The following PDS5B variants were observed in gnomAD, a reference collection of about 807,000 sequenced individuals.
PDS5B encodes sister chromatid cohesion protein PDS5 homolog B.
In PDS5B, 51 loss-of-function variants were observed where a neutral mutation model predicts 184.1. That is an observed-to-expected ratio of 0.28 (90% CI 0.22 to 0.35). PDS5B has a LOEUF of 0.35. Among genes scored for constraint, PDS5B ranks in the 10% least tolerant of loss-of-function variants. The pLI, the probability that PDS5B is intolerant of heterozygous loss-of-function variation, is 1.00. For missense variants in PDS5B, 1,180 were observed against 1,723.3 expected (o/e 0.68, Z 5.58); for synonymous variants, 566 against 569.2 (o/e 0.99, Z 0.08).
intron 1 of PDS5B, among the ~76,000 whole-genome samples, chr13:32,638,010 G>A (rs2058591160): frequency 6.6e-6 from 1 of 152,166 alleles, no homozygotes; most frequent in Non-Finnish European, 1.5e-5. Context: ...ATTTTAGCTG[G>A]GGTTGCTTAT....
intron 19 of PDS5B, among the ~76,000 whole-genome samples, chr13:32,730,879 G>A (rs1345749530): frequency 2.6e-5 from 4 of 152,064 alleles, no homozygotes; most frequent in Admixed American, 1.3e-4. Flanking sequence ...ATATACAATC[G>A]TGTTATCTGC....
chr13:32,740,741 T>G (rs1953512153), intron 21 of PDS5B, among the ~76,000 whole-genome samples: 1 of 152,168 alleles, frequency 6.6e-6, no homozygotes, highest in Non-Finnish European at 1.5e-5. Flanking sequence ...TGGCTCCATG[T>G]TTTTTTAAAA....
chr13:32,738,964 G>A (rs1032638763), intron 21 of PDS5B, among the ~76,000 whole-genome samples: 4 of 152,050 alleles, frequency 2.6e-5, no homozygotes, highest in Admixed American at 1.3e-4. Flanking sequence ...GAGCCACCAC[G>A]CGCCTGGCCT....
chr13:32,775,423 A>C lies in PDS5B; in HGVS notation c.*371A>C. The C allele has an allele frequency of 3.2e-6, 1 of 309,894 alleles. No homozygotes were observed. The highest frequency in any genetic ancestry group is 6.2e-6 in the Non-Finnish European group (1 of 160,168). 19.2% of individuals were successfully genotyped at this position (309,894 alleles called of 1,614,324 possible). On this transcript the variant is annotated 3_prime_UTR_variant, in exon 35 of 35. Transcript: ENST00000315596. ...TATTGGATCTATTGATTTGAAAAGA[A>C]TTTGTTAGGATAGATCTTAAGCAGT...
At chr13:32,598,770 C>CTTTTTT (rs756301581) in intron 1 of PDS5B, among the ~76,000 whole-genome samples, 28 of 126,358 alleles carry the variant, frequency 2.2e-4, no homozygotes, top group African/African-American at 5.9e-4. Context: ...TTTTTTCTCT[C>CTTTTTT]TTTTTTTTTT....
intron 23 of PDS5B, among the ~76,000 whole-genome samples, chr13:32,744,710 T>C (rs1953683845): frequency 6.6e-6 from 1 of 152,160 alleles, no homozygotes; most frequent in African/African-American, 2.4e-5. Context: ...TACTGATTAA[T>C]AGCTACTTGG....
At position 32,618,695 on chromosome 13, in the gene PDS5B, A is replaced by G. The variant is rs934639323; in HGVS notation, c.-19-30059A>G. On this transcript the variant is annotated intron_variant, in intron 1 of 34. Transcript: ENST00000315596. ...AATGTAGTAAGATCTTTTATGGTTTATATGGGCATTCATGTATTTATTTAT... is the reference window on the plus strand; with the variant it reads ...AATGTAGTAAGATCTTTTATGGTTTGTATGGGCATTCATGTATTTATTTAT... Among the ~76,000 whole-genome samples, 10 of 152,308 alleles carry G rather than the reference A, an allele frequency of 6.6e-5. No individual in the cohort carries two copies. In the East Asian group the frequency reaches 1.9e-3, roughly 29 times the overall value.
chr13:32,618,396 C>T (rs2058248751), intron 1 of PDS5B, among the ~76,000 whole-genome samples: 1 of 152,094 alleles, frequency 6.6e-6, no homozygotes, highest in Admixed American at 6.6e-5. Context: ...TTTTAAGGTG[C>T]CCACTGTTCT....
chr13:32,728,752 TC>T (rs936937386), intron 19 of PDS5B, among the ~76,000 whole-genome samples: 1 of 152,174 alleles, frequency 6.6e-6, no homozygotes, highest in Non-Finnish European at 1.5e-5. Context: ...TGCTACCTGT[TC>T]CCTAGTGTCT....
intron 31 of PDS5B, among the ~76,000 whole-genome samples, chr13:32,769,894 T>A (rs1195388507): frequency 6.6e-6 from 1 of 152,190 alleles, no homozygotes; most frequent in African/African-American, 2.4e-5. Flanking sequence ...TTTAAGACAC[T>A]CTAGCTGAAA....
chr13:32,626,076 G>A (rs1481971783), intron 1 of PDS5B, among the ~76,000 whole-genome samples: 1 of 152,146 alleles, frequency 6.6e-6, no homozygotes, highest in Non-Finnish European at 1.5e-5. Context: ...CTGACCCCGA[G>A]TGATCTATCT....
At chr13:32,703,274 A>C (rs1291306689) in intron 17 of PDS5B, among the ~76,000 whole-genome samples, 1 of 152,192 alleles carries the variant, frequency 6.6e-6, no homozygotes, top group Non-Finnish European at 1.5e-5. Flanking sequence ...ACAGTAGAGA[A>C]ATTGTAGAAA....
In PDS5B at chr13:32,776,402, T is replaced by C. The variant is rs1256382817; in HGVS notation, c.*1350T>C. On this transcript the variant is annotated 3_prime_UTR_variant, in exon 35 of 35. Coordinates refer to ENST00000315596, the MANE Select transcript of PDS5B (RefSeq NM_015032.4). The stretch of plus-strand genomic sequence containing the variant: ...CCAGATTGGGAGAAGTGGAAATTTA[T>C]TTGGATTTAGAGCAGGTCTTTTTTT... 3 of 152,424 alleles carry C rather than the reference T, an allele frequency of 2.0e-5. No homozygotes were observed. The highest frequency in any genetic ancestry group is 1.5e-5 in the Non-Finnish European group (1 of 67,954). The allele number at this position is 152,424 out of a possible 1,614,324, so 9.4% of individuals were successfully genotyped here.
chr13:32,619,964 A>G (rs932219495), intron 1 of PDS5B, among the ~76,000 whole-genome samples: 1 of 151,928 alleles, frequency 6.6e-6, no homozygotes, highest in African/African-American at 2.4e-5. Context: ...ACGCCCAGCT[A>G]ATTTTTATAT....
chr13:32,605,447 T>C (rs1051061386), intron 1 of PDS5B, among the ~76,000 whole-genome samples: 2 of 152,246 alleles, frequency 1.3e-5, no homozygotes, highest in African/African-American at 4.8e-5. Flanking sequence ...CAGTTTGTTA[T>C]AATTTCTATT....
chr13:32,741,127 A>T lies in PDS5B; in HGVS notation c.2454A>T (p.Val818=). ...TTKLWVPDEE[V]SPETMVKIQA... is the part of the protein sequence containing the mutation. ...AACTTTGGGTTCCAGATGAAGAAGTATCTCCTGAGACAATGGTCAAAGTGA... is the reference window on the plus strand; with the variant it reads ...AACTTTGGGTTCCAGATGAAGAAGTTTCTCCTGAGACAATGGTCAAAGTGA... Residue 818 remains valine (V), a synonymous_variant, in exon 22 of 35, where the codon GTA becomes GTT. Coordinates refer to ENST00000315596, the MANE Select transcript of PDS5B (RefSeq NM_015032.4). 6.4e-7 allele frequency: 1 copy of T among 1,570,276 alleles called. No individual in the cohort carries two copies. The highest frequency in any genetic ancestry group is 2.2e-5 in the East Asian group (1 of 44,498).
chr13:32,745,577 T>G (rs748010562), intron 23 of PDS5B, among the ~76,000 whole-genome samples: 27 of 152,192 alleles, frequency 1.8e-4, no homozygotes, highest in Non-Finnish European at 3.2e-4. Context: ...GAAATTTATA[T>G]CTCACAGTTC....
At chr13:32,625,726 CA>C (rs1263487497) in intron 1 of PDS5B, among the ~76,000 whole-genome samples, 4 of 150,354 alleles carry the variant, frequency 2.7e-5, no homozygotes, top group Admixed American at 6.6e-5. Context: ...TTTAATGAGA[CA>C]TTTTTTTTTC....
intron 19 of PDS5B, among the ~76,000 whole-genome samples, chr13:32,712,891 C>T (rs561609211): frequency 9.2e-5 from 14 of 152,162 alleles, no homozygotes; most frequent in Non-Finnish European, 1.3e-4. Flanking sequence ...ACCAACTTTA[C>T]GGGAACAGAA....
Sources: allele counts gnomAD v4.1 joint callset (sites outside exome capture counted in the v4.1 genomes callset), GRCh38; gene constraint gnomAD v4.1.1; transcripts MANE v1.5; gene names NCBI Gene and HGNC (gene_info 2026-07-23, HGNC 2026-07-21).